The following ZNF43 variants were observed in gnomAD, a reference collection of about 807,000 sequenced individuals.
ZNF43 encodes the protein zinc finger protein 43, also known as zinc finger protein 39-like 1 (KOX 27).
ZNF43 carries 44 observed loss-of-function variants against 68.4 expected under a neutral mutation model. The observed-to-expected ratio is 0.64, with a 90% CI of 0.51 to 0.83. The LOEUF (loss-of-function observed/expected upper bound fraction) is 0.83. ZNF43 is among the 40% of genes least tolerant of loss of function. ZNF43 has a pLI of 0.00. For synonymous variants in ZNF43, 308 were observed against 307.8 expected (o/e 1.00, Z -0.01); for missense variants, 896 against 933.2 (o/e 0.96, Z 0.52).
rs35354919 is a variant in ZNF43, at chr19:21,849,488, CAAAA to C, written c.30+2413_30+2416del. ...GGACAACAAGGGCAAAACCCTGCCT[CAAAA>C]AAAAAAAAAAAAAAAAAAAAAAAGT... On this transcript the variant is annotated intron_variant, in intron 1 of 3. Coordinates refer to the ZNF43 transcript ENST00000357491. 3.7e-3 allele frequency among the ~76,000 whole-genome samples: 110 copies of C among 29,500 alleles called. 2 individuals carry two copies. The East Asian group carries it at 0.091, about 24-fold the overall frequency. 19.4% of individuals were successfully genotyped at this position (29,500 alleles called of 152,430 possible).
At chr19:21,821,105 G>T (rs922511715) in intron 1 of ZNF43, among the ~76,000 whole-genome samples, 2 of 149,768 alleles carry the variant, frequency 1.3e-5, no homozygotes, top group African/African-American at 4.9e-5. Context: ...AAAGTGGTGG[G>T]ATTACAGGCA....
chr19:21,824,425 CG>C (rs991818242), intron 1 of ZNF43, among the ~76,000 whole-genome samples: 2 of 152,092 alleles, frequency 1.3e-5, no homozygotes, highest in African/African-American at 2.4e-5. Flanking sequence ...GAGCCTCTCA[CG>C]TAAGTGTTAG....
chr19:21,825,098 T>C lies in ZNF43; in HGVS notation c.4-5877A>G, dbSNP rs537341940. Among the ~76,000 whole-genome samples, 3 of 152,186 alleles carry C rather than the reference T, an allele frequency of 2.0e-5. No individual in the cohort carries two copies. The East Asian group carries it at 5.8e-4, about 29-fold the overall frequency. ...TAATACAAAAAATTAGCCGGGCATGTTGGCATATGCTTGTAATCCCAGCTA... is the reference window on the plus strand; with the variant it reads ...TAATACAAAAAATTAGCCGGGCATGCTGGCATATGCTTGTAATCCCAGCTA... On this transcript the variant is annotated intron_variant, in intron 1 of 3. Coordinates refer to ENST00000354959, the MANE Select transcript of ZNF43 (RefSeq NM_003423.4).
At chr19:21,820,356 G>A (rs1328693857) in intron 1 of ZNF43, among the ~76,000 whole-genome samples, 1 of 119,636 alleles carries the variant, frequency 8.4e-6, no homozygotes, top group Non-Finnish European at 1.7e-5. Context: ...AAGGTGGGTG[G>A]ATCACGAGAT....
chr19:21,822,579 G>A (rs1018357765), intron 1 of ZNF43, among the ~76,000 whole-genome samples: 2 of 152,180 alleles, frequency 1.3e-5, no homozygotes, highest in Non-Finnish European at 2.9e-5. Flanking sequence ...GCCGAGGCGG[G>A]TGGATCACAA....
chr19:21,833,794 G>A (rs967234338), intron 1 of ZNF43, among the ~76,000 whole-genome samples: 3 of 151,930 alleles, frequency 2.0e-5, no homozygotes, highest in South Asian at 2.1e-4. Context: ...TTGGGAGGCC[G>A]AGGCAGGTGG....
chr19:21,831,266 TAAAG>T (rs1441233447), intron 1 of ZNF43, among the ~76,000 whole-genome samples: 1 of 152,134 alleles, frequency 6.6e-6, no homozygotes, highest in Non-Finnish European at 1.5e-5. Context: ...TCAGGCAAGA[TAAAG>T]AGAAAGAAAG....
At chr19:21,850,654 C>T (rs538022537) in intron 1 of ZNF43, among the ~76,000 whole-genome samples, 4 of 152,234 alleles carry the variant, frequency 2.6e-5, no homozygotes, top group African/African-American at 9.6e-5. Flanking sequence ...CCAAAATATT[C>T]AGGGACTAAG....
chr19:21,838,818 G>A (rs563983683), upstream of ZNF43: 2 of 152,304 alleles, frequency 1.3e-5, no homozygotes, highest in South Asian at 4.1e-4. Flanking sequence ...TAGCAGCTGT[G>A]TGAAATATGC....
rs1461474048 is a variant in ZNF43 at position 21,808,604 on chromosome 19, G to A, written c.1433C>T (p.Ala478Val). 1.9e-6 allele frequency: 3 copies of A among 1,609,630 alleles called. No homozygotes were observed. The highest frequency in any genetic ancestry group is 2.5e-6 in the Non-Finnish European group (3 of 1,178,830). ...NLTTHKRIHT[A>V]EKPYKCEECG... is the part of the protein sequence containing the mutation. ...TTCTTCACATTTGTACGGTTTTTCT[G>A]CAGTATGAATTCTCTTATGTGTAGT... The change falls in exon 4 of 4, where the codon GCA (alanine) becomes GTA (valine). Residue 478 changes from alanine to valine, a missense_variant. Coordinates refer to ENST00000354959, the MANE Select transcript of ZNF43 (RefSeq NM_003423.4).
intron 1 of ZNF43, among the ~76,000 whole-genome samples, chr19:21,825,934 A>G (rs1241806699): frequency 6.6e-6 from 1 of 152,192 alleles, no homozygotes; most frequent in East Asian, 1.9e-4. Flanking sequence ...CTGTAGTCCC[A>G]GCTACTTGGG....
chr19:21,843,484 G>A (rs988906942), intron 1 of ZNF43, among the ~76,000 whole-genome samples: 2 of 152,204 alleles, frequency 1.3e-5, no homozygotes, highest in African/African-American at 4.8e-5. Flanking sequence ...TGCGGACTGT[G>A]TCTCTTAGTA....
At chr19:21,837,968 G>A (rs11672034), upstream of ZNF43, 31,321 of 152,090 alleles carry the variant, frequency 0.21, 3,476 homozygotes, top group South Asian at 0.26. Flanking sequence ...ATAAAAGTCT[G>A]GATTCTTGAG....
intron 1 of ZNF43, among the ~76,000 whole-genome samples, chr19:21,821,419 C>T (rs2037839422): frequency 6.6e-6 from 1 of 152,056 alleles, no homozygotes; most frequent in Non-Finnish European, 1.5e-5. Context: ...TCTTTAGCAC[C>T]CATAAAGCAA....
At chr19:21,835,210 T>C (rs994599437) in intron 1 of ZNF43, among the ~76,000 whole-genome samples, 10 of 134,818 alleles carry the variant, frequency 7.4e-5, no homozygotes, top group African/African-American at 2.0e-4. Flanking sequence ...GATAGCACCA[T>C]TGCACTCCAG....
chr19:21,833,301 C>T (rs2038512155), intron 1 of ZNF43, among the ~76,000 whole-genome samples: 1 of 152,052 alleles, frequency 6.6e-6, no homozygotes. Flanking sequence ...GAGTTTCCCT[C>T]TTGTCGCCCA....
In ZNF43 at chr19:21,806,169, C is replaced by CTTTTTTTTTTTTTTTT. The variant is rs74174041; in HGVS notation, c.*1422_*1437dup. Reference sequence around the variant, plus strand: ...CTCCAGTTACATTTTCATCACGCATCTTTTTTTTTTTTTTTTTTCTTTTTG... The same window carrying CTTTTTTTTTTTTTTTT: ...CTCCAGTTACATTTTCATCACGCATCTTTTTTTTTTTTTTTTTTTTTTTTTTTTTTTTTTCTTTTTG... On this transcript the variant is annotated 3_prime_UTR_variant, in exon 4 of 4. Transcript: ENST00000354959. The CTTTTTTTTTTTTTTTT allele has an allele frequency of 7.9e-6, 1 of 126,122 alleles. No individual in the cohort carries two copies. The highest frequency in any genetic ancestry group is 2.9e-5 in the African/African-American group (1 of 35,062). 7.8% of individuals were successfully genotyped at this position (126,122 alleles called of 1,614,324 possible). A position where few individuals can be genotyped will look rare whatever the true frequency, so the allele number is the denominator to read the frequency against.
At position 21,808,831 on chromosome 19, in the gene ZNF43, T is replaced by G. The variant is rs188259668; in HGVS notation, c.1206A>C (p.Glu402Asp). 9 of 1,613,686 alleles carry G rather than the reference T, an allele frequency of 5.6e-6. No homozygotes were observed. Among genetic ancestry groups the G allele is most frequent in the Non-Finnish European group, 6.8e-6 (8 of 1,179,892 alleles). ...HTEKKPYKCE[E>D]CGKAFKWSSK... The stretch of plus-strand genomic sequence containing the variant: ...AGGACCACTTAAAAGCTTTGCCACA[T>G]TCTTCACATTTGTAGGGTTTCTTTT... Residue 402 changes from glutamate to aspartate, a missense_variant, in exon 4 of 4, where the codon GAA (glutamate) becomes GAC (aspartate). Coordinates refer to ENST00000354959, the MANE Select transcript of ZNF43 (RefSeq NM_003423.4).
intron 3 of ZNF43, among the ~76,000 whole-genome samples, chr19:21,815,204 T>C (rs1219403382): frequency 6.6e-6 from 1 of 150,592 alleles, no homozygotes; most frequent in Non-Finnish European, 1.5e-5. Flanking sequence ...AAAAAAAAAA[T>C]CTGGTATGCA....
Sources: allele counts gnomAD v4.1 joint callset (sites outside exome capture counted in the v4.1 genomes callset), GRCh38; gene constraint gnomAD v4.1.1; transcripts MANE v1.5; gene names NCBI Gene and HGNC (gene_info 2026-07-23, HGNC 2026-07-21).